Variants in KIAA1191 observed in about 807,000 individuals in gnomAD.
The protein encoded by KIAA1191 is KIAA1191.
A neutral mutation model predicts 31.1 loss-of-function variants in KIAA1191; 22 were observed. That is an observed-to-expected ratio of 0.71 (90% CI 0.51 to 1.01). KIAA1191 has a LOEUF of 1.01. KIAA1191 is among the 50% of genes least tolerant of loss of function. The pLI, the probability that KIAA1191 is intolerant of heterozygous loss-of-function variation, is 0.00. For synonymous variants in KIAA1191, 130 were observed against 143.9 expected (o/e 0.90, Z 0.69); for missense variants, 319 against 388.0 (o/e 0.82, Z 1.49).
In KIAA1191 at chr5:176,350,721, G is replaced by A; in HGVS notation, c.351C>T (p.Ser117=). The part of the protein sequence containing the change: ...NSLITKQTQE[S]IQHFERQAGL... ...CTGCCTGTCGCTCAAAATGCTGAAT[G>A]CTTTCCTGGGTCTGTTCTGGGAACA... The change falls in exon 6 of 9, where the codon AGC becomes AGT. Residue 117 remains serine (S), a synonymous_variant. Transcript: ENST00000298569. The A allele has an allele frequency of 1.2e-6, 2 of 1,614,114 alleles. No individual in the cohort carries two copies. Among genetic ancestry groups the A allele is most frequent in the Non-Finnish European group, 1.7e-6 (2 of 1,180,024 alleles).
In KIAA1191 at chr5:176,355,809, A is replaced by C; in HGVS notation, c.29-60T>G. The stretch of plus-strand genomic sequence containing the variant: ...CAACTGGACATACTAGCAGCTTTAA[A>C]TTAATCTACAGGAAGGAAAGCTCTG... On this transcript the variant is annotated intron_variant, in intron 3 of 8. Coordinates refer to ENST00000298569, the MANE Select transcript of KIAA1191 (RefSeq NM_020444.5). This position sits in a 1 kb window ranked among gnomAD's most constrained non-coding sequence, Gnocchi z 4.2. 6.7e-7 allele frequency: 1 copy of C among 1,501,122 alleles called. No homozygotes were observed. The highest frequency in any genetic ancestry group is 9.3e-7 in the Non-Finnish European group (1 of 1,078,816). The allele number at this position is 1,501,122 out of a possible 1,614,324, so 93.0% of individuals were successfully genotyped here. A position where few individuals can be genotyped will look rare whatever the true frequency, so the allele number is the denominator to read the frequency against.
At chr5:176,350,786 A>G in intron 5 of KIAA1191, 49 bp from the exon 6 acceptor site, 1 of 1,606,360 alleles carries the variant, frequency 6.2e-7, no homozygotes, top group Non-Finnish European at 8.5e-7. Flanking sequence ...CTCCCATCAC[A>G]AAATAAGGAG....
intron 6 of KIAA1191, among the ~76,000 whole-genome samples, chr5:176,348,688 CCTT>C (rs2113458344): frequency 6.6e-6 from 1 of 152,020 alleles, no homozygotes; most frequent in South Asian, 2.1e-4. Context: ...TAGCTGCCAG[CCTT>C]CTTGGCCTTT....
chr5:176,355,757 C>A lies in KIAA1191; in HGVS notation c.29-8G>T. 6.2e-7 allele frequency: 1 copy of A among 1,613,974 alleles called. No individual in the cohort carries two copies. The highest frequency in any genetic ancestry group is 8.5e-7 in the Non-Finnish European group (1 of 1,179,962). ...GCGCACTAGCCTCAAGAGCTAAGAA[C>A]AGAGACACCTGTCAAGACAGGTTCA... On this transcript the variant is annotated splice_polypyrimidine_tract_variant and splice_region_variant and intron_variant, in intron 3 of 8. Coordinates refer to ENST00000298569, the MANE Select transcript of KIAA1191 (RefSeq NM_020444.5). The surrounding 1 kb of genome is among the most constrained non-coding windows in gnomAD (Gnocchi z 4.2).
At position 176,355,204 on chromosome 5, in the gene KIAA1191, G is replaced by A. The variant is rs1198948250; in HGVS notation, c.207+367C>T. The stretch of plus-strand genomic sequence containing the variant: ...GTGGGGAATATGAAGAGTCTCAGGA[G>A]CAGACAAGGCCATTCTAGTTTTGAA... On this transcript the variant is annotated intron_variant, in intron 4 of 8. Transcript: ENST00000298569. This position sits in a 1 kb window ranked among gnomAD's most constrained non-coding sequence, Gnocchi z 4.2. Among the ~76,000 whole-genome samples, 2 of 151,806 alleles carry A rather than the reference G, an allele frequency of 1.3e-5. No homozygotes were observed. Among genetic ancestry groups the A allele is most frequent in the African/African-American group, 4.8e-5 (2 of 41,268 alleles).
At position 176,347,742 on chromosome 5, in the gene KIAA1191, T is replaced by C. The variant is rs1185894615; in HGVS notation, c.776A>G (p.Gln259Arg). The change falls in exon 9 of 9, where the codon CAG becomes CGG. Residue 259 changes from glutamine to arginine, a missense_variant. By Grantham distance (43) the Gln-to-Arg change is conservative (BLOSUM62 1). Transcript: ENST00000298569. ...KPSPLELIRAQANRMAEDPAA... is the reference protein window; with the variant it reads ...KPSPLELIRARANRMAEDPAA... ...TGGATCTTCAGCCATTCGGTTGGCC[T>C]GGGCACGTATCAGTTCCAATGGAGA... is the stretch of plus-strand genomic sequence containing the variant. The C allele has an allele frequency of 3.1e-6, 5 of 1,610,658 alleles. No individual in the cohort carries two copies. The highest frequency in any genetic ancestry group is 3.4e-6 in the Non-Finnish European group (4 of 1,178,516).
chr5:176,357,384 C>T (rs1381175241), intron 3 of KIAA1191: 1 of 152,014 alleles, frequency 6.6e-6, no homozygotes, highest in Non-Finnish European at 1.5e-5. Flanking sequence ...CTAAAAATCA[C>T]GACATTGTTC....
At position 176,352,995 on chromosome 5, in the gene KIAA1191, G is replaced by A. The variant is rs112472515; in HGVS notation, c.208-247C>T. Among the ~76,000 whole-genome samples, 392 of 152,298 alleles carry A rather than the reference G, an allele frequency of 2.6e-3. 3 individuals are homozygous for A. Among genetic ancestry groups the A allele is most frequent in the African/African-American group, 8.8e-3 (365 of 41,566 alleles). On this transcript the variant is annotated intron_variant, in intron 4 of 8. Transcript: ENST00000298569. Reference sequence around the variant, plus strand: ...GAAAGCCAGAATTTGAAGCTCTGACGTCTACTACCTTCCCAGACTATGATC... The same window carrying A: ...GAAAGCCAGAATTTGAAGCTCTGACATCTACTACCTTCCCAGACTATGATC...
At position 176,356,356 on chromosome 5, in the gene KIAA1191, G is replaced by A. The variant is rs573202150; in HGVS notation, c.29-607C>T. 4.6e-5 allele frequency among the ~76,000 whole-genome samples: 7 copies of A among 152,252 alleles called. No homozygotes were observed. The South Asian group carries it at 1.5e-3, about 32-fold the overall frequency. On this transcript the variant is annotated intron_variant, in intron 3 of 8. Transcript: ENST00000298569. ...GTTCTCATTCCCATTTCATAGATGA[G>A]GAAACTAAGGCCTAGGGGTAAAGTG...
intron 7 of KIAA1191, 61 bp from the exon 8 acceptor site, chr5:176,348,124 T>G: frequency 6.2e-7 from 1 of 1,604,798 alleles, no homozygotes; most frequent in Non-Finnish European, 8.5e-7. Flanking sequence ...TAGAAATGTC[T>G]CACACCAAAA....
chr5:176,347,848 G>A, intron 8 of KIAA1191, 40 bp from the exon 9 acceptor site: 2 of 1,606,518 alleles, frequency 1.2e-6, no homozygotes, highest in Non-Finnish European at 1.7e-6. Context: ...TTCAAAACCA[G>A]TAAACAGCTC....
intron 5 of KIAA1191, among the ~76,000 whole-genome samples, chr5:176,352,049 T>A (rs1767060802): frequency 6.6e-6 from 1 of 150,778 alleles, no homozygotes; most frequent in African/African-American, 2.4e-5. Context: ...TAAAAAAAAA[T>A]CCAAGTTCTC....
intron 3 of KIAA1191, 94 bp downstream of exon 3, chr5:176,359,387 A>T (rs1174259955): frequency 1.8e-6 from 2 of 1,092,702 alleles, no homozygotes; most frequent in Non-Finnish European, 2.8e-6. Context: ...GCAGAGATTA[A>T]CCATTAATAT....
chr5:176,349,541 G>C (rs1766808664), intron 6 of KIAA1191, among the ~76,000 whole-genome samples: 1 of 152,108 alleles, frequency 6.6e-6, no homozygotes. Context: ...GCATGGTGGC[G>C]CATGCCTGTA....
chr5:176,358,319 T>C (rs1767675395), intron 3 of KIAA1191, among the ~76,000 whole-genome samples: 1 of 152,232 alleles, frequency 6.6e-6, no homozygotes, highest in Admixed American at 6.5e-5. Context: ...ATTTGATAAC[T>C]AGGAAAGTAA....
Position 176,347,512 on chromosome 5 carries a change from T to C in KIAA1191, c.*88A>G. ...CACCACGCCCAGCTGATTAAGTTTT[T>C]AAATATACCTTTCCTATGTCAAAGC... On this transcript the variant is annotated 3_prime_UTR_variant, in exon 9 of 9. Transcript: ENST00000298569. 4 of 1,136,814 alleles carry C rather than the reference T, an allele frequency of 3.5e-6. No individual in the cohort carries two copies. Among genetic ancestry groups the C allele is most frequent in the Non-Finnish European group, 4.8e-6 (4 of 835,446 alleles). 70.4% of individuals were successfully genotyped at this position (1,136,814 alleles called of 1,614,324 possible).
At chr5:176,358,891 T>C (rs1466135379) in intron 3 of KIAA1191, among the ~76,000 whole-genome samples, 1 of 151,970 alleles carries the variant, frequency 6.6e-6, no homozygotes, top group African/African-American at 2.4e-5. Context: ...GAGACCATCC[T>C]GGCTAACACG....
rs1235655187 is a variant in KIAA1191, at chr5:176,355,984, A to G, written c.29-235T>C. 6.2e-6 allele frequency: 3 copies of G among 485,670 alleles called. No individual in the cohort carries two copies. Among genetic ancestry groups the G allele is most frequent in the Non-Finnish European group, 1.1e-5 (3 of 270,756 alleles). 30.1% of individuals were successfully genotyped at this position (485,670 alleles called of 1,614,324 possible). ...TCAGCCGTCCTAATCCTTTTTTTTT[A>G]TTATTTGTTTAGAGACACAGTCTAT... On this transcript the variant is annotated intron_variant, in intron 3 of 8. Coordinates refer to ENST00000298569, the MANE Select transcript of KIAA1191 (RefSeq NM_020444.5). The surrounding 1 kb of genome is among the most constrained non-coding windows in gnomAD (Gnocchi z 4.2).
At chr5:176,350,466 A>G in intron 6 of KIAA1191, 147 bp downstream of exon 6, 1 of 956,190 alleles carries the variant, frequency 1.0e-6, no homozygotes, top group Non-Finnish European at 1.5e-6. Flanking sequence ...GTATAGGTGG[A>G]TAAGCAAAAA....
Sources: gnomAD v4.1 joint callset for allele counts (sites outside exome capture counted in the v4.1 genomes callset) on GRCh38, gnomAD v4.1.1 for gene constraint, Gnocchi (gnomAD v3.1) non-coding constraint, MANE v1.5 for transcripts, NCBI Gene and HGNC (gene_info 2026-07-23, HGNC 2026-07-21) for gene names.